The following NCAM2 variants were observed in gnomAD, a reference collection of about 807,000 sequenced individuals.
NCAM2 encodes neural cell adhesion molecule 2.
A neutral mutation model predicts 98.1 loss-of-function variants in NCAM2; 30 were observed. That is an observed-to-expected ratio of 0.31 (90% CI 0.23 to 0.41). NCAM2 has a LOEUF of 0.41. NCAM2 is among the 10% of genes least tolerant of loss of function. The probability of loss-of-function intolerance (pLI) is 1.00; values close to 1 mark genes in which losing one functional copy is unlikely to be tolerated. For missense variants in NCAM2, 867 were observed against 1,005.8 expected (o/e 0.86, Z 1.87); for synonymous variants, 368 against 342.4 (o/e 1.07, Z -0.83).
At chr21:21,399,501 C>A (rs541102366) in intron 9 of NCAM2, among the ~76,000 whole-genome samples, 4 of 152,136 alleles carry the variant, frequency 2.6e-5, no homozygotes, top group Admixed American at 2.0e-4. Context: ...AGGACATAAT[C>A]TACAATACAA....
At chr21:21,035,671 T>C (rs959400784) in intron 1 of NCAM2, among the ~76,000 whole-genome samples, 2 of 152,180 alleles carry the variant, frequency 1.3e-5, no homozygotes, top group Non-Finnish European at 2.9e-5. Context: ...AGCTCAATTA[T>C]ATGATCTCAA....
At chr21:21,355,007 T>G (rs1217535136) in intron 8 of NCAM2, among the ~76,000 whole-genome samples, 1 of 152,208 alleles carries the variant, frequency 6.6e-6, no homozygotes, top group Non-Finnish European at 1.5e-5. Flanking sequence ...TTTTTTGTGA[T>G]TTTGCATTTA....
intron 1 of NCAM2, among the ~76,000 whole-genome samples, chr21:21,104,843 A>G (rs1239186672): frequency 6.6e-6 from 1 of 152,170 alleles, no homozygotes; most frequent in Non-Finnish European, 1.5e-5. Context: ...TATAAAAGAA[A>G]TGGTAGCTTC....
chr21:21,219,021 C>T (rs979864071), intron 1 of NCAM2, among the ~76,000 whole-genome samples: 16 of 152,182 alleles, frequency 1.1e-4, no homozygotes, highest in Non-Finnish European at 2.2e-4. Context: ...CCAGCCTGGG[C>T]GATGAGCGTG....
At chr21:21,490,210 T>C (rs1986732483) in intron 15 of NCAM2, among the ~76,000 whole-genome samples, 1 of 151,770 alleles carries the variant, frequency 6.6e-6, no homozygotes, top group Non-Finnish European at 1.5e-5. Flanking sequence ...TTAGCTAATA[T>C]TCTGTAAAAC....
At chr21:21,175,650 A>G (rs1026858246) in intron 1 of NCAM2, among the ~76,000 whole-genome samples, 1 of 152,252 alleles carries the variant, frequency 6.6e-6, no homozygotes, top group Non-Finnish European at 1.5e-5. Context: ...GAAACCGTTA[A>G]GGGTTTAGTT....
chr21:21,476,003 A>G (rs1472543370), intron 14 of NCAM2, among the ~76,000 whole-genome samples: 2 of 152,162 alleles, frequency 1.3e-5, no homozygotes, highest in Non-Finnish European at 2.9e-5. Context: ...AGTACTGTCA[A>G]TTTAATGCAA....
At chr21:21,198,931 G>A in intron 1 of NCAM2, among the ~76,000 whole-genome samples, 1 of 152,060 alleles carries the variant, frequency 6.6e-6, no homozygotes, top group South Asian at 2.1e-4. Flanking sequence ...TTATGTATCT[G>A]GGTGGCAAAT....
intron 1 of NCAM2, among the ~76,000 whole-genome samples, chr21:21,237,463 CAG>C (rs1480681583): frequency 6.6e-6 from 1 of 152,092 alleles, no homozygotes; most frequent in Admixed American, 6.6e-5. Flanking sequence ...CATTGGAACT[CAG>C]AGATAAAATT....
chr21:21,177,443 G>T (rs1446534716), intron 1 of NCAM2, among the ~76,000 whole-genome samples: 2 of 151,940 alleles, frequency 1.3e-5, no homozygotes, highest in African/African-American at 4.8e-5. Flanking sequence ...AACAGTTTTA[G>T]AAATATTTAT....
intron 13 of NCAM2, among the ~76,000 whole-genome samples, chr21:21,468,253 C>T (rs1983981233): frequency 6.6e-6 from 1 of 151,848 alleles, no homozygotes; most frequent in African/African-American, 2.4e-5. Flanking sequence ...GTATATATTC[C>T]ATACAGACTG....
At chr21:21,083,423 CTT>C (rs201441950) in intron 1 of NCAM2, among the ~76,000 whole-genome samples, 10,392 of 134,732 alleles carry the variant, frequency 0.077, 443 homozygotes, top group East Asian at 0.16. Flanking sequence ...TATAAATCAT[CTT>C]TTTTTTTTTT....
intron 1 of NCAM2, among the ~76,000 whole-genome samples, chr21:21,014,230 C>T (rs1333979910): frequency 6.6e-6 from 1 of 152,082 alleles, no homozygotes; most frequent in East Asian, 1.9e-4. Context: ...TCGAGACCAT[C>T]CTGGCCAACA....
At chr21:21,336,353 CA>C (rs1034195930) in intron 7 of NCAM2, among the ~76,000 whole-genome samples, 1 of 111,918 alleles carries the variant, frequency 8.9e-6, no homozygotes, top group East Asian at 2.7e-4. Flanking sequence ...GCTTTCACAA[CA>C]AAAAGAGGGA....
chr21:21,278,959 C>G (rs1261919943), intron 1 of NCAM2, among the ~76,000 whole-genome samples: 1 of 152,114 alleles, frequency 6.6e-6, no homozygotes, highest in Non-Finnish European at 1.5e-5. Flanking sequence ...TCAGCTGACT[C>G]CTGCTTACAG....
intron 9 of NCAM2, among the ~76,000 whole-genome samples, chr21:21,407,326 T>A (rs1023989781): frequency 7.2e-5 from 11 of 152,244 alleles, no homozygotes; most frequent in African/African-American, 2.7e-4. Context: ...TCTTGCTTGA[T>A]ACCACAAATA....
At chr21:21,085,818 A>C (rs1206866896) in intron 1 of NCAM2, among the ~76,000 whole-genome samples, 4 of 152,194 alleles carry the variant, frequency 2.6e-5, no homozygotes, top group Admixed American at 2.0e-4. Context: ...TCTGCCTACT[A>C]TTTAAAAAAT....
chr21:21,322,935 C>G lies in NCAM2; in HGVS notation c.620-1448C>G, dbSNP rs573625824. ...AGTGGGAGTTAATAGAACTACTTCA[C>G]TATACATCCCCATGTTCCTTCCAGC... On this transcript the variant is annotated intron_variant, in intron 5 of 17. Transcript: ENST00000400546. Among the ~76,000 whole-genome samples the G allele has an allele frequency of 9.2e-5, 14 of 152,256 alleles. No homozygotes were observed. The South Asian group carries it at 2.7e-3, about 29-fold the overall frequency.
At chr21:21,206,665 T>C (rs1281795887) in intron 1 of NCAM2, among the ~76,000 whole-genome samples, 1 of 152,128 alleles carries the variant, frequency 6.6e-6, no homozygotes, top group African/African-American at 2.4e-5. Context: ...GACATAAAAT[T>C]ACATGTTTTA....
Sources: gnomAD v4.1 joint callset for allele counts (sites outside exome capture counted in the v4.1 genomes callset) on GRCh38, gnomAD v4.1.1 for gene constraint, MANE v1.5 for transcripts, NCBI Gene and HGNC (gene_info 2026-07-23, HGNC 2026-07-21) for gene names.